Variants in EVPL observed in about 807,000 individuals in gnomAD.
EVPL encodes the protein 210 kDa cornified envelope precursor protein.
A neutral mutation model predicts 129.7 loss-of-function variants in EVPL; 94 were observed. The observed-to-expected ratio is 0.72, with a 90% CI of 0.61 to 0.86. EVPL has a LOEUF of 0.86. Ranked by LOEUF, EVPL falls within the 40% of genes least tolerant of loss-of-function variation. The pLI, the probability that EVPL is intolerant of heterozygous loss-of-function variation, is 0.00. For missense variants in EVPL, 2,625 were observed against 2,721.1 expected, an observed-to-expected ratio of 0.96 and a Z score of 0.79; for synonymous variants, 1,172 against 1,191.1, an observed-to-expected ratio of 0.98 and a Z score of 0.33.
chr17:76,025,637 C>T (rs2066493382), intron 1 of EVPL, among the ~76,000 whole-genome samples: 2 of 152,200 alleles, frequency 1.3e-5, no homozygotes, highest in African/African-American at 4.8e-5. Context: ...AGAGTGTTAG[C>T]TGAGAGTCTT....
intron 18 of EVPL, among the ~76,000 whole-genome samples, chr17:76,014,191 G>C (rs2598420): frequency 0.35 from 53,882 of 152,134 alleles, 11,457 homozygotes; most frequent in East Asian, 0.69. Flanking sequence ...GCATGAGAAA[G>C]TGGCCGGAAC....
chr17:76,026,091 G>A (rs1324670018), intron 1 of EVPL, among the ~76,000 whole-genome samples: 8 of 151,810 alleles, frequency 5.3e-5, no homozygotes, highest in East Asian at 1.9e-4. Flanking sequence ...ACAGGCATGC[G>A]CCACTACATC....
rs755805881 is a variant in EVPL at position 76,023,546 on chromosome 17, T to C, written c.307A>G (p.Lys103Glu). The part of the protein sequence containing the change: ...LLKDLFLDVD[K>E]ARRLKHPQAE... The stretch of plus-strand genomic sequence containing the variant: ...TGCGGGTGCTTGAGCCGCCGGGCCT[T>C]GTCCACGTCCAGGAAGAGGTCCTTG... Residue 103 changes from lysine (K) to glutamate (E), a missense_variant, in exon 3 of 22, where the codon AAG (lysine) becomes GAG (glutamate). Lys to Glu is a moderately conservative substitution (Grantham distance 56). Coordinates refer to ENST00000301607, the MANE Select transcript of EVPL (RefSeq NM_001988.4). 1 of 1,613,360 alleles carries C rather than the reference T, an allele frequency of 6.2e-7. No homozygotes were observed. Among genetic ancestry groups the C allele is most frequent in the South Asian group, 1.1e-5 (1 of 91,068 alleles).
chr17:76,018,868 T>TGGGTTG, intron 11 of EVPL, 46 bp downstream of exon 11: 1 of 769,698 alleles, frequency 1.3e-6, no homozygotes, highest in Non-Finnish European at 1.6e-6. Context: ...GGGGATGGGT[T>TGGGTTG]GGGCGGGGCT....
In EVPL at chr17:76,018,961, G is replaced by A. The variant is rs1393655341; in HGVS notation, c.1237C>T (p.Gln413Ter). ...APLPQRRNPPQQPLHVDSICD... is the reference protein window; with the variant it reads ...APLPQRRNPP ...ATGCTGTCCACGTGCAGGGGCTGCT[G>A]AGGGGGGTTTCTTCGCTGTGGCAGA... The change falls in exon 11 of 22, where the codon CAG (glutamine) becomes TAG (stop). Residue 413 changes from glutamine (Q) to a stop codon, truncating the protein, a stop_gained. Coordinates refer to ENST00000301607, the MANE Select transcript of EVPL (RefSeq NM_001988.4). LOFTEE classifies it high-confidence loss of function. The A allele has an allele frequency of 3.2e-6, 5 of 1,564,990 alleles. No homozygotes were observed. The highest frequency in any genetic ancestry group is 3.4e-6 in the Non-Finnish European group (4 of 1,159,708).
rs1227978001 is a variant in EVPL, at chr17:76,009,407, C to T, written c.3798G>A (p.Val1266=). 1.2e-6 allele frequency: 2 copies of T among 1,614,106 alleles called. No homozygotes were observed. Among genetic ancestry groups the T allele is most frequent in the Non-Finnish European group, 1.7e-6 (2 of 1,180,008 alleles). The change falls in exon 22 of 22, where the codon GTG becomes GTA. Residue 1266 remains valine, a synonymous_variant. Coordinates refer to ENST00000301607, the MANE Select transcript of EVPL (RefSeq NM_001988.4). This position sits in a 1 kb window ranked among gnomAD's most constrained non-coding sequence, Gnocchi z 5.9. ...CCTTCAGGCGGTCGATCTCACGCAG[C>T]ACCTCGGGGCTCCTCTCATGCCTCA... ...EVVRHERSPE[V]LREIDRLKAQ...
rs1299793166 is a variant in EVPL, at chr17:76,015,088, C to A, written c.2050G>T (p.Glu684Ter). Reference protein sequence around the residue: ...ELQRQRRELLEQQTCVLRLHR... With the variant: ...ELQRQRRELL ...AGCCGCAGCACGCAGGTCTGCTGTTCCAGCAGCTCCCTCCGCTGGCGCTGC... is the reference window on the plus strand; with the variant it reads ...AGCCGCAGCACGCAGGTCTGCTGTTACAGCAGCTCCCTCCGCTGGCGCTGC... The change falls in exon 17 of 22, where the codon GAA becomes TAA. Residue 684 changes from glutamate (E) to a stop codon, truncating the protein, a stop_gained. Coordinates refer to ENST00000301607, the MANE Select transcript of EVPL (RefSeq NM_001988.4). LOFTEE classifies it high-confidence loss of function. 4 of 1,575,666 alleles carry A rather than the reference C, an allele frequency of 2.5e-6. No homozygotes were observed. The African/African-American group carries it at 4.0e-5, about 16-fold the overall frequency.
At chr17:76,026,827 G>A (rs572834952) in intron 1 of EVPL, among the ~76,000 whole-genome samples, 127 of 152,344 alleles carry the variant, frequency 8.3e-4, no homozygotes, top group African/African-American at 3.0e-3. Context: ...CCCGCGAAGC[G>A]GCCTCAATCC....
Position 76,015,230 on chromosome 17 carries a change from C to A in EVPL, c.2025G>T (p.Leu675=). The A allele has an allele frequency of 6.3e-7, 1 of 1,591,070 alleles. No individual in the cohort carries two copies. The highest frequency in any genetic ancestry group is 8.5e-7 in the Non-Finnish European group (1 of 1,172,406). Residue 675 remains leucine (L), a synonymous_variant, in exon 16 of 22, where the codon CTG becomes CTT. Transcript: ENST00000301607. ...PGALQERVSE[L]QRQRRELLEQ... Reference sequence around the variant, plus strand: ...GAGGCCCCGGCTGGTCCCTTACCTGCAGCTCGCTGACCCTCTCCTGCAGAG... The same window carrying A: ...GAGGCCCCGGCTGGTCCCTTACCTGAAGCTCGCTGACCCTCTCCTGCAGAG...
intron 9 of EVPL, among the ~76,000 whole-genome samples, chr17:76,020,229 C>G (rs1415454201): frequency 1.3e-5 from 2 of 152,256 alleles, no homozygotes; most frequent in African/African-American, 4.8e-5. Flanking sequence ...CTCCCCTACT[C>G]TGGTCGGTCT....
chr17:76,015,963 G>T (rs932390576), intron 14 of EVPL, among the ~76,000 whole-genome samples: 6 of 152,204 alleles, frequency 3.9e-5, no homozygotes, highest in African/African-American at 1.4e-4. Context: ...GGCCAACATG[G>T]CGAAACCCTG....
Position 76,022,260 on chromosome 17 carries a change from A to C in EVPL, c.607-33T>G, listed in dbSNP as rs1480489736. 1.2e-6 allele frequency: 2 copies of C among 1,612,304 alleles called. No individual in the cohort carries two copies. Among genetic ancestry groups the C allele is most frequent in the Non-Finnish European group, 1.7e-6 (2 of 1,179,572 alleles). ...GACCAAGGGGAGAAACAAGCCCGTG[A>C]GAGGTGGGGTGCAGGGAGACGGCCC... On this transcript the variant is annotated intron_variant, in intron 5 of 21. Coordinates refer to ENST00000301607, the MANE Select transcript of EVPL (RefSeq NM_001988.4). This position sits in a 1 kb window ranked among gnomAD's most constrained non-coding sequence, Gnocchi z 5.6.
At chr17:76,014,726 G>GAAT in intron 17 of EVPL, 150 bp from the exon 18 acceptor site, 1 of 1,233,728 alleles carries the variant, frequency 8.1e-7, no homozygotes, top group Non-Finnish European at 1.1e-6. Flanking sequence ...CTGACCCTGG[G>GAAT]AATTCAGAGA....
chr17:76,023,534 G>T lies in EVPL; in HGVS notation c.319C>A (p.Leu107Ile). The change falls in exon 3 of 22, where the codon CTC becomes ATC. Residue 107 changes from leucine to isoleucine, a missense_variant. Transcript: ENST00000301607. Reference sequence around the variant, plus strand: ...ATCTCCTCAGCCTGCGGGTGCTTGAGCCGCCGGGCCTTGTCCACGTCCAGG... The same window carrying T: ...ATCTCCTCAGCCTGCGGGTGCTTGATCCGCCGGGCCTTGTCCACGTCCAGG... Reference protein sequence around the residue: ...LFLDVDKARRLKHPQAEEIEK... With the variant: ...LFLDVDKARRIKHPQAEEIEK... 1 of 1,613,350 alleles carries T rather than the reference G, an allele frequency of 6.2e-7. No individual in the cohort carries two copies. Among genetic ancestry groups the T allele is most frequent in the Non-Finnish European group, 8.5e-7 (1 of 1,179,916 alleles).
intron 1 of EVPL, among the ~76,000 whole-genome samples, chr17:76,025,768 G>A (rs113132826): frequency 6.6e-6 from 1 of 152,192 alleles, no homozygotes; most frequent in Non-Finnish European, 1.5e-5. Flanking sequence ...AGGTCATCTC[G>A]ACACCCTGGA....
At chr17:76,011,452 T>C in intron 21 of EVPL, 124 bp downstream of exon 21, 1 of 876,934 alleles carries the variant, frequency 1.1e-6, no homozygotes, top group East Asian at 2.4e-5. Context: ...GCCCAGGGGC[T>C]GCAGGCAGGA....
rs201217983 is a variant in EVPL, at chr17:76,008,493, C to T, written c.4712G>A (p.Gly1571Glu). ...RERIDRAETL[G>E]RTWSREESEL... Reference sequence around the variant, plus strand: ...GGACTCCTCCCGGGACCAGGTTCTCCCCAGCGTCTCGGCCCGGTCAATGCG... The same window carrying T: ...GGACTCCTCCCGGGACCAGGTTCTCTCCAGCGTCTCGGCCCGGTCAATGCG... Residue 1571 changes from glycine to glutamate, a missense_variant, in exon 22 of 22, where the codon GGG (glycine) becomes GAG (glutamate). Around this residue, in one of 4 missense-constraint regions of EVPL, gnomAD observed 1,453 missense variants for 1,511.8 expected, o/e 0.96. Transcript: ENST00000301607. This position sits in a 1 kb window ranked among gnomAD's most constrained non-coding sequence, Gnocchi z 7.4. 4.4e-5 allele frequency: 71 copies of T among 1,601,626 alleles called. No individual in the cohort carries two copies. In the East Asian group the frequency reaches 1.6e-3, roughly 35 times the overall value.
At chr17:76,014,874 G>T in intron 17 of EVPL, 42 bp downstream of exon 17, 1 of 1,537,612 alleles carries the variant, frequency 6.5e-7, no homozygotes. Context: ...GCCTGGCTCT[G>T]CACCAGCCCA....
chr17:76,011,485 C>T (rs2066375849), intron 21 of EVPL, 91 bp downstream of exon 21: 2 of 1,150,394 alleles, frequency 1.7e-6, no homozygotes, highest in East Asian at 4.7e-5. Flanking sequence ...AAGGAGACTA[C>T]CAGGGTGACA....
Sources: allele counts gnomAD v4.1 joint callset (sites outside exome capture counted in the v4.1 genomes callset), GRCh38; gene constraint gnomAD v4.1.1; regional missense constraint gnomAD v4.1.1; non-coding constraint Gnocchi (gnomAD v3.1); transcripts MANE v1.5; gene names NCBI Gene and HGNC (gene_info 2026-07-23, HGNC 2026-07-21).